PTCHD4: variants seen among roughly 807,000 people sequenced by gnomAD.
PTCHD4 encodes patched domain-containing protein 4.
PTCHD4 carries 33 observed loss-of-function variants against 58.1 expected under a neutral mutation model. The ratio of observed to expected loss-of-function variants is 0.57; its 90% CI spans 0.43 to 0.76. The LOEUF (loss-of-function observed/expected upper bound fraction) is 0.76. PTCHD4 is among the 30% of genes least tolerant of loss of function. The probability of loss-of-function intolerance (pLI) is 0.00; values close to 1 mark genes in which losing one functional copy is unlikely to be tolerated. For synonymous variants in PTCHD4, 478 were observed against 409.6 expected (o/e 1.17, Z -2.02); for missense variants, 1,058 against 1,027.1 (o/e 1.03, Z -0.41).
chr6:47,926,201 T>C (rs1765610274), intron 4 of PTCHD4, among the ~76,000 whole-genome samples: 1 of 152,146 alleles, frequency 6.6e-6, no homozygotes, highest in African/African-American at 2.4e-5. Flanking sequence ...GTGCTCTAGG[T>C]TGACAGTGGC....
chr6:47,937,814 A>G (rs971007079), intron 4 of PTCHD4, among the ~76,000 whole-genome samples: 14 of 152,192 alleles, frequency 9.2e-5, no homozygotes, highest in Non-Finnish European at 1.6e-4. Flanking sequence ...GGAAGAAGCA[A>G]CTACATTGGA....
chr6:48,023,361 A>G (rs576748126), intron 3 of PTCHD4, among the ~76,000 whole-genome samples: 11 of 152,184 alleles, frequency 7.2e-5, no homozygotes, highest in African/African-American at 2.4e-4. Flanking sequence ...CAATTGATTT[A>G]CTTAGATTTT....
At chr6:48,061,262 T>C (rs1369055811) in intron 3 of PTCHD4, among the ~76,000 whole-genome samples, 1 of 152,190 alleles carries the variant, frequency 6.6e-6, no homozygotes, top group Non-Finnish European at 1.5e-5. Context: ...TTAGAAAATA[T>C]TGAACGACTG....
chr6:48,100,734 A>T (rs1765587529), intron 1 of PTCHD4, among the ~76,000 whole-genome samples: 1 of 152,208 alleles, frequency 6.6e-6, no homozygotes, highest in Non-Finnish European at 1.5e-5. Flanking sequence ...ACGGAGGGTC[A>T]CTTTCCTCTC....
chr6:47,881,916 C>A (rs1261448519), intron 4 of PTCHD4, among the ~76,000 whole-genome samples: 2 of 152,012 alleles, frequency 1.3e-5, no homozygotes, highest in South Asian at 4.1e-4. Flanking sequence ...GTGTAAACTG[C>A]ATTTAGGAAA....
Position 48,008,737 on chromosome 6 carries a change from C to T in PTCHD4, c.795G>A (p.Gly265=). ...LRSKPFLGLL[G]VLTVCISIIT... ...TGATGGAGATGCATACTGTGAGCAC[C>T]CCCAGGAGGCCCAGGAAGGGCTTAC... The change falls in exon 4 of 5, where the codon GGG becomes GGA. Residue 265 remains glycine, a synonymous_variant. Coordinates refer to ENST00000339488, the MANE Select transcript of PTCHD4 (RefSeq NM_001384253.1). 6.2e-7 allele frequency: 1 copy of T among 1,613,886 alleles called. No individual in the cohort carries two copies. Among genetic ancestry groups the T allele is most frequent in the Non-Finnish European group, 8.5e-7 (1 of 1,179,878 alleles).
intron 4 of PTCHD4, among the ~76,000 whole-genome samples, chr6:47,898,879 C>T (rs113044409): frequency 0.034 from 5,147 of 152,180 alleles, 144 homozygotes; most frequent in Non-Finnish European, 0.045. Context: ...CTTTTTAGGT[C>T]CCTGCTGGTT....
At position 48,106,315 on chromosome 6, in the gene PTCHD4, G is replaced by A. The variant is rs546186400; in HGVS notation, c.-970+4734C>T. ...GTTCAACATACGAAAATCAATAGAC[G>A]TAATCCAGCATATAAACAGAAACAA... On this transcript the variant is annotated intron_variant, in intron 1 of 4. Coordinates refer to ENST00000339488, the MANE Select transcript of PTCHD4 (RefSeq NM_001384253.1). Among the ~76,000 whole-genome samples the A allele has an allele frequency of 2.8e-3, 428 of 152,168 alleles. 4 individuals are homozygous for A. The highest frequency in any genetic ancestry group is 9.9e-3 in the African/African-American group (409 of 41,498).
At chr6:48,021,865 T>C (rs1285909737) in intron 3 of PTCHD4, among the ~76,000 whole-genome samples, 1 of 152,166 alleles carries the variant, frequency 6.6e-6, no homozygotes, top group Non-Finnish European at 1.5e-5. Flanking sequence ...ATCTTTTTTA[T>C]CTCTCCAACT....
At chr6:47,997,032 C>T (rs913545433) in intron 4 of PTCHD4, among the ~76,000 whole-genome samples, 3 of 152,250 alleles carry the variant, frequency 2.0e-5, no homozygotes, top group Admixed American at 6.5e-5. Context: ...ACCCTTGCCT[C>T]GACTCTTGAT....
rs541237986 is a variant in PTCHD4, at chr6:47,899,602, C to T, written c.899-19666G>A. The T allele has an allele frequency of 6.1e-6, 6 of 979,610 alleles. No individual in the cohort carries two copies. In the African/African-American group the frequency reaches 1.0e-4, roughly 17 times the overall value. 60.7% of individuals were successfully genotyped at this position (979,610 alleles called of 1,614,324 possible). A position where few individuals can be genotyped will look rare whatever the true frequency, so the allele number is the denominator to read the frequency against. On this transcript the variant is annotated intron_variant, in intron 4 of 4. Coordinates refer to ENST00000339488, the MANE Select transcript of PTCHD4 (RefSeq NM_001384253.1). ...AGAAAAAAAGAAATGGAAAGTGAAC[C>T]CCTTCCGTTTGTTTTTAACAGCTTT...
At chr6:48,083,550 G>A (rs1425106421) in intron 1 of PTCHD4, among the ~76,000 whole-genome samples, 2 of 152,052 alleles carry the variant, frequency 1.3e-5, no homozygotes, top group African/African-American at 2.4e-5. Flanking sequence ...GATATAATTA[G>A]GATTATGGGG....
At chr6:47,961,539 C>T (rs985052037) in intron 4 of PTCHD4, among the ~76,000 whole-genome samples, 1 of 152,062 alleles carries the variant, frequency 6.6e-6, no homozygotes, top group African/African-American at 2.4e-5. Flanking sequence ...AGTGATTCAG[C>T]TGCCTCAGCC....
rs181133567 is a variant in PTCHD4 at position 48,051,479 on chromosome 6, A to C, written c.417+16751T>G. ...AACAGTTCTTACACACTAGGGAAAA[A>C]AGACCAAAGGGAGGATAATTTTTGG... is the stretch of plus-strand genomic sequence containing the variant. On this transcript the variant is annotated intron_variant, in intron 3 of 4. Transcript: ENST00000339488. Among the ~76,000 whole-genome samples, 148 of 152,124 alleles carry C rather than the reference A, an allele frequency of 9.7e-4. 1 individual carries two copies. The South Asian group carries it at 0.017, about 18-fold the overall frequency.
chr6:47,860,829 G>A lies in PTCHD4; in HGVS notation c.*17474C>T, dbSNP rs1336091422. 2.0e-5 allele frequency among the ~76,000 whole-genome samples: 3 copies of A among 151,880 alleles called. No homozygotes were observed. The highest frequency in any genetic ancestry group is 7.3e-5 in the African/African-American group (3 of 41,368). ...GCAATTAGGTTACAAATGAACTGGC[G>A]ATAAAATACTTTCATAAAAATTATT... On this transcript the variant is annotated 3_prime_UTR_variant, in exon 5 of 5. Transcript: ENST00000339488.
intron 4 of PTCHD4, among the ~76,000 whole-genome samples, chr6:47,902,566 A>ACATTT (rs1764745344): frequency 6.6e-6 from 1 of 152,226 alleles, no homozygotes; most frequent in African/African-American, 2.4e-5. Context: ...GAAATGGGAG[A>ACATTT]CATTTAGTGA....
At chr6:47,897,171 G>C (rs548373672) in intron 4 of PTCHD4, among the ~76,000 whole-genome samples, 1 of 152,266 alleles carries the variant, frequency 6.6e-6, no homozygotes, top group Admixed American at 6.5e-5. Flanking sequence ...TAGTGTTAAA[G>C]AGAACATTTC....
intron 3 of PTCHD4, among the ~76,000 whole-genome samples, chr6:48,034,948 A>T (rs576715982): frequency 3.3e-5 from 5 of 152,256 alleles, no homozygotes; most frequent in African/African-American, 1.2e-4. Context: ...TGCTACACAC[A>T]TTCTGCGTTC....
chr6:48,045,103 T>A (rs1188838276), intron 3 of PTCHD4, among the ~76,000 whole-genome samples: 2 of 151,802 alleles, frequency 1.3e-5, no homozygotes, highest in Non-Finnish European at 2.9e-5. Flanking sequence ...CTGCATATCA[T>A]CCCTACATCA....
Sources: allele counts gnomAD v4.1 joint callset (sites outside exome capture counted in the v4.1 genomes callset), GRCh38; gene constraint gnomAD v4.1.1; transcripts MANE v1.5; gene names NCBI Gene and HGNC (gene_info 2026-07-23, HGNC 2026-07-21).